The following RORA variants were observed in gnomAD, a reference collection of about 807,000 sequenced individuals.
RORA encodes nuclear receptor ROR-alpha.
Under a neutral mutation model 69.5 loss-of-function variants are expected in RORA, and 7 were observed. The observed-to-expected ratio is 0.10, with a 90% confidence interval of 0.06 to 0.19. RORA has a LOEUF of 0.19. Ranked by LOEUF, RORA falls within the 10% of genes least tolerant of loss-of-function variation. RORA has a pLI of 1.00. For synonymous variants in RORA, 261 were observed against 240.8 expected, an observed-to-expected ratio of 1.08 and a Z score of -0.78; for missense variants, 457 against 663.0, an observed-to-expected ratio of 0.69 and a Z score of 3.41.
At chr15:60,848,582 C>T (rs1291444137) in intron 1 of RORA, 1 of 152,320 alleles carries the variant, frequency 6.6e-6, no homozygotes, top group Admixed American at 6.5e-5. Context: ...AGAGAACTAC[C>T]TGACACTGCG....
At chr15:60,705,730 TA>T (rs2071053234) in intron 1 of RORA, among the ~76,000 whole-genome samples, 1 of 152,294 alleles carries the variant, frequency 6.6e-6, no homozygotes, top group South Asian at 2.1e-4. Context: ...TAAAATTTTT[TA>T]AAATATATAT....
At chr15:60,738,313 C>T (rs545543934) in intron 1 of RORA, among the ~76,000 whole-genome samples, 1 of 152,344 alleles carries the variant, frequency 6.6e-6, no homozygotes, top group South Asian at 2.1e-4. Context: ...TCAGCAAAGA[C>T]TGAGGAATAT....
At chr15:60,829,442 C>T (rs999832738) in intron 1 of RORA, among the ~76,000 whole-genome samples, 2 of 152,066 alleles carry the variant, frequency 1.3e-5, no homozygotes, top group African/African-American at 2.4e-5. Flanking sequence ...CACATGGGCC[C>T]GATTCTGCCA....
chr15:61,139,222 C>T (rs1184541505), intron 1 of RORA, among the ~76,000 whole-genome samples: 2 of 151,966 alleles, frequency 1.3e-5, no homozygotes, highest in African/African-American at 4.8e-5. Context: ...CACTGAGAAG[C>T]AACAAAGGGG....
At chr15:61,100,219 A>G (rs1281893572) in intron 1 of RORA, among the ~76,000 whole-genome samples, 1 of 145,958 alleles carries the variant, frequency 6.9e-6, no homozygotes, top group Admixed American at 7.2e-5. Context: ...TCCGGGTTCC[A>G]GCGATTCTCC....
chr15:60,794,462 A>G (rs1476269508), intron 1 of RORA, among the ~76,000 whole-genome samples: 1 of 152,186 alleles, frequency 6.6e-6, no homozygotes, highest in Admixed American at 6.5e-5. Context: ...GAGAACCATT[A>G]CACCTGTGTG....
chr15:60,965,061 A>G (rs955688025), intron 1 of RORA, among the ~76,000 whole-genome samples: 1 of 152,156 alleles, frequency 6.6e-6, no homozygotes, highest in Non-Finnish European at 1.5e-5. Flanking sequence ...CCAACGATGA[A>G]CCAGGCATAG....
intron 1 of RORA, among the ~76,000 whole-genome samples, chr15:60,912,163 T>C (rs967373854): frequency 6.6e-6 from 1 of 151,876 alleles, no homozygotes; most frequent in African/African-American, 2.4e-5. Context: ...ATAATCCCAG[T>C]ACTTTGGGCG....
intron 1 of RORA, among the ~76,000 whole-genome samples, chr15:60,784,983 A>G (rs532919907): frequency 1.3e-5 from 2 of 152,308 alleles, no homozygotes; most frequent in East Asian, 3.9e-4. Context: ...ATTACAAAGC[A>G]AAAAGCCAGA....
At chr15:60,536,623 C>T (rs1292196490) in intron 2 of RORA, among the ~76,000 whole-genome samples, 2 of 152,336 alleles carry the variant, frequency 1.3e-5, no homozygotes, top group South Asian at 2.1e-4. Flanking sequence ...AATATAGACC[C>T]AAGGTTACCC....
chr15:61,096,270 C>T (rs1013858536), intron 1 of RORA, among the ~76,000 whole-genome samples: 9 of 152,136 alleles, frequency 5.9e-5, no homozygotes, highest in Non-Finnish European at 1.2e-4. Context: ...GCAGCCTTCT[C>T]GGAATCGGGT....
chr15:60,836,059 A>G (rs531259687), intron 1 of RORA, among the ~76,000 whole-genome samples: 1 of 152,302 alleles, frequency 6.6e-6, no homozygotes, highest in South Asian at 2.1e-4. Context: ...TGACAGGCAT[A>G]TTTCTTATGG....
At chr15:61,015,344 A>G (rs1292877448) in intron 1 of RORA, among the ~76,000 whole-genome samples, 1 of 152,216 alleles carries the variant, frequency 6.6e-6, no homozygotes, top group East Asian at 1.9e-4. Context: ...CTAAAAATGC[A>G]TATCAAAATG....
chr15:60,918,399 T>A (rs923439569), intron 1 of RORA, among the ~76,000 whole-genome samples: 4 of 152,242 alleles, frequency 2.6e-5, no homozygotes, highest in African/African-American at 4.8e-5. Flanking sequence ...TAACTAACCA[T>A]GTCATTCATG....
At chr15:60,939,658 C>T (rs1227860071) in intron 1 of RORA, among the ~76,000 whole-genome samples, 1 of 152,232 alleles carries the variant, frequency 6.6e-6, no homozygotes, top group Non-Finnish European at 1.5e-5. Context: ...GTTCCCCGCT[C>T]ATTATGGTGA....
At chr15:61,039,801 G>A (rs1896650163) in intron 1 of RORA, among the ~76,000 whole-genome samples, 1 of 149,958 alleles carries the variant, frequency 6.7e-6, no homozygotes, top group Admixed American at 6.6e-5. Context: ...ACTTCAATGT[G>A]CATGGGAACT....
At chr15:60,724,093 C>A (rs2071327233) in intron 1 of RORA, among the ~76,000 whole-genome samples, 1 of 152,062 alleles carries the variant, frequency 6.6e-6, no homozygotes, top group Non-Finnish European at 1.5e-5. Flanking sequence ...GTTTTCTTTC[C>A]ACCCGGATTT....
intron 1 of RORA, among the ~76,000 whole-genome samples, chr15:60,987,194 A>G (rs1894230100): frequency 6.6e-6 from 1 of 152,062 alleles, no homozygotes; most frequent in South Asian, 2.1e-4. Flanking sequence ...ATGTCTCATT[A>G]TTTCTTCCCA....
chr15:60,764,838 A>G (rs899109416), intron 1 of RORA: 1 of 152,168 alleles, frequency 6.6e-6, no homozygotes, highest in African/African-American at 2.4e-5. Flanking sequence ...GTGCCCCTTT[A>G]CCACATTGTA....
Sources: allele counts gnomAD v4.1 joint callset (sites outside exome capture counted in the v4.1 genomes callset), GRCh38; gene constraint gnomAD v4.1.1; transcripts MANE v1.5; gene names NCBI Gene and HGNC (gene_info 2026-07-23, HGNC 2026-07-21).